Variants in ATAD3C observed in about 807,000 individuals in gnomAD.
ATAD3C encodes ATPase family AAA domain-containing protein 3C.
ATAD3C carries 38 observed loss-of-function variants against 46.3 expected under a neutral mutation model. The ratio of observed to expected loss-of-function variants is 0.82; its 90% CI spans 0.63 to 1.08. The LOEUF (loss-of-function observed/expected upper bound fraction) is 1.08, where lower values mean the gene tolerates loss of function less well. Among genes scored for constraint, ATAD3C ranks in the 50% least tolerant of loss-of-function variants. ATAD3C has a pLI of 0.00. For synonymous variants in ATAD3C, 220 were observed against 236.4 expected (o/e 0.93, Z 0.63); for missense variants, 563 against 572.7 (o/e 0.98, Z 0.17).
rs1436429881 is a variant in ATAD3C at position 1,469,805 on chromosome 1, T to C, written c.*1275T>C. On this transcript the variant is annotated 3_prime_UTR_variant, in exon 12 of 12. Coordinates refer to ENST00000378785, the MANE Select transcript of ATAD3C (RefSeq NM_001039211.3). ...TGGGCCCAAGCTAAGCCATCATATC[T>C]CCTGTGACCTGCACTTATACATCCA... 1.3e-5 allele frequency: 2 copies of C among 151,670 alleles called. No homozygotes were observed. The highest frequency in any genetic ancestry group is 2.9e-5 in the Non-Finnish European group (2 of 67,942). The allele number at this position is 151,670 out of a possible 1,614,324, so 9.4% of individuals were successfully genotyped here.
At chr1:1,457,453 G>A (rs1259910098) in intron 8 of ATAD3C, among the ~76,000 whole-genome samples, 3 of 151,278 alleles carry the variant, frequency 2.0e-5, no homozygotes, top group East Asian at 2.0e-4. Context: ...AAAATTAGCT[G>A]TGCGTGGTGG....
chr1:1,461,653 G>C (rs113562564), intron 10 of ATAD3C, among the ~76,000 whole-genome samples: 2 of 111,120 alleles, frequency 1.8e-5, no homozygotes, highest in African/African-American at 5.5e-5. Context: ...AGGGACTGGA[G>C]GGAGAGGCTC....
rs746823054 is a variant in ATAD3C at position 1,455,821 on chromosome 1, G to A, written c.469G>A (p.Ala157Thr). The change falls in exon 6 of 12, where the codon GCC (alanine) becomes ACC (threonine). Residue 157 changes from alanine (A) to threonine (T), a missense_variant. Coordinates refer to ENST00000378785, the MANE Select transcript of ATAD3C (RefSeq NM_001039211.3). ...PSLEARVRDI[A>T]IMTRNIKKNR... is the part of the protein sequence containing the mutation. ...CCTGGAAGCACGGGTGCGCGACATC[G>A]CCATAATGACAAGGAACATCAAGAA... The A allele has an allele frequency of 4.0e-5, 65 of 1,613,334 alleles. No homozygotes were observed. The Admixed American group carries it at 7.2e-4, about 18-fold the overall frequency.
At chr1:1,453,996 G>C (rs1638907072) in intron 3 of ATAD3C, among the ~76,000 whole-genome samples, 1 of 151,994 alleles carries the variant, frequency 6.6e-6, no homozygotes, top group Admixed American at 6.6e-5. Context: ...TGTTTTCCAG[G>C]AATAAAGTAC....
Position 1,468,318 on chromosome 1 carries a change from C to T in ATAD3C, c.1090-66C>T. 7 of 1,554,032 alleles carry T rather than the reference C, an allele frequency of 4.5e-6. No homozygotes were observed. The South Asian group carries it at 8.4e-5, about 19-fold the overall frequency. On this transcript the variant is annotated intron_variant, in intron 11 of 11. Coordinates refer to ENST00000378785, the MANE Select transcript of ATAD3C (RefSeq NM_001039211.3). ...GTTTGGTCCCTCCCCACCTCAGGGCCCTGGCGTGCATTTGGGGTGGGGGGT... is the reference window on the plus strand; with the variant it reads ...GTTTGGTCCCTCCCCACCTCAGGGCTCTGGCGTGCATTTGGGGTGGGGGGT...
Position 1,459,151 on chromosome 1 carries a change from C to T in ATAD3C, c.742-10C>T, listed in dbSNP as rs757478058. The T allele has an allele frequency of 1.2e-5, 20 of 1,608,972 alleles. No homozygotes were observed. The highest frequency in any genetic ancestry group is 1.6e-5 in the Non-Finnish European group (19 of 1,177,736). ...TCCTGGTGCCTAAGGCTGGAACCTT[C>T]TCTCTGCAGGAGAAGATAAGCGAGG... On this transcript the variant is annotated splice_polypyrimidine_tract_variant and intron_variant, in intron 8 of 11. Coordinates refer to ENST00000378785, the MANE Select transcript of ATAD3C (RefSeq NM_001039211.3). The surrounding 1 kb of genome is among the most constrained non-coding windows in gnomAD (Gnocchi z 4.9).
intron 8 of ATAD3C, 110 bp downstream of exon 8, chr1:1,457,290 T>C: frequency 1.2e-5 from 19 of 1,562,140 alleles, no homozygotes; most frequent in Non-Finnish European, 1.6e-5. Context: ...CTCTAAGTTT[T>C]GTGTGAAAAA....
At chr1:1,455,165 A>G (rs964834428) in intron 4 of ATAD3C, among the ~76,000 whole-genome samples, 1 of 144,628 alleles carries the variant, frequency 6.9e-6, no homozygotes, top group Non-Finnish European at 1.5e-5. Flanking sequence ...TGCAGTAAGC[A>G]GAGATCACGC....
rs1639093882 is a variant in ATAD3C at position 1,462,993 on chromosome 1, G to T, written c.1089+285G>T. ...CGGGCTCTGCCAGGTGGGGCGGGAG[G>T]CTTCTGATGCTCACCTTGGCAGACA... is the stretch of plus-strand genomic sequence containing the variant. On this transcript the variant is annotated intron_variant, in intron 11 of 11. Transcript: ENST00000378785. The surrounding 1 kb of genome is among the most constrained non-coding windows in gnomAD (Gnocchi z 4.5). Among the ~76,000 whole-genome samples the T allele has an allele frequency of 6.6e-6, 1 of 152,098 alleles. No individual in the cohort carries two copies. The highest frequency in any genetic ancestry group is 1.5e-5 in the Non-Finnish European group (1 of 68,002).
At chr1:1,464,371 C>G (rs1382244886) in intron 11 of ATAD3C, among the ~76,000 whole-genome samples, 1 of 151,882 alleles carries the variant, frequency 6.6e-6, no homozygotes, top group Non-Finnish European at 1.5e-5. Flanking sequence ...GCAGAGAGAG[C>G]AACTCAGCTC....
At chr1:1,454,658 G>C (rs944418990) in intron 4 of ATAD3C, among the ~76,000 whole-genome samples, 158 bp downstream of exon 4, 1 of 150,710 alleles carries the variant, frequency 6.6e-6, no homozygotes, top group Admixed American at 6.6e-5. Flanking sequence ...GTCTGGCGCT[G>C]TACCTTAGGG....
chr1:1,457,595 CAAAAAAAAA>C (rs777757826), intron 8 of ATAD3C, among the ~76,000 whole-genome samples: 5 of 36,466 alleles, frequency 1.4e-4, no homozygotes, highest in Admixed American at 2.8e-4. Context: ...GACTTCATCT[CAAAAAAAAA>C]AAAAAAAAAA....
At chr1:1,452,637 CCA>C (rs890376220) in intron 3 of ATAD3C, among the ~76,000 whole-genome samples, 3 of 151,730 alleles carry the variant, frequency 2.0e-5, no homozygotes, top group Admixed American at 6.6e-5. Context: ...CCAGTCTGGG[CCA>C]CACAGTGAGA....
At chr1:1,458,569 C>T (rs141874380) in intron 8 of ATAD3C, among the ~76,000 whole-genome samples, 38 of 151,932 alleles carry the variant, frequency 2.5e-4, no homozygotes, top group African/African-American at 8.0e-4. Context: ...CGTGAGCCAC[C>T]GCGCCAGGCC....
intron 4 of ATAD3C, among the ~76,000 whole-genome samples, 160 bp from the exon 5 acceptor site, chr1:1,455,300 G>A (rs1037062738): frequency 2.7e-5 from 4 of 149,328 alleles, no homozygotes; most frequent in Non-Finnish European, 5.9e-5. Context: ...CCCTGCAACA[G>A]ACACCCAGTC....
intron 4 of ATAD3C, among the ~76,000 whole-genome samples, chr1:1,455,078 G>A (rs995981777): frequency 7.3e-5 from 11 of 151,504 alleles, no homozygotes; most frequent in African/African-American, 1.9e-4. Flanking sequence ...TTAGCCGGGC[G>A]TGGTGGCGGG....
rs1224905265 is a variant in ATAD3C, at chr1:1,457,238, T to G, written c.741+58T>G. On this transcript the variant is annotated intron_variant, in intron 8 of 11. Coordinates refer to ENST00000378785, the MANE Select transcript of ATAD3C (RefSeq NM_001039211.3). ...GAGGGTGGTGGGGTGTGTGCGGCTG[T>G]CATCCTGGGCCAGGCCGCAGCCCAC... The G allele has an allele frequency of 3.7e-6, 6 of 1,609,258 alleles. No individual in the cohort carries two copies. The African/African-American group carries it at 6.7e-5, about 18-fold the overall frequency.
chr1:1,466,790 C>T (rs1639152455), intron 11 of ATAD3C, among the ~76,000 whole-genome samples: 1 of 151,852 alleles, frequency 6.6e-6, no homozygotes, highest in Non-Finnish European at 1.5e-5. Flanking sequence ...TTCTTGACGA[C>T]TTTTCCAACG....
chr1:1,452,285 A>G lies in ATAD3C; in HGVS notation c.153-80A>G, dbSNP rs939511588. The G allele has an allele frequency of 1.9e-6, 3 of 1,606,368 alleles. No individual in the cohort carries two copies. In the African/African-American group the frequency reaches 4.0e-5, roughly 21 times the overall value. ...CTGGCAGGACCAGGCTGCTGTGTCA[A>G]GGCCTCACCCTCAACCTGTTCTTGC... On this transcript the variant is annotated intron_variant, in intron 2 of 11. Coordinates refer to ENST00000378785, the MANE Select transcript of ATAD3C (RefSeq NM_001039211.3).
Sources: allele counts gnomAD v4.1 joint callset (sites outside exome capture counted in the v4.1 genomes callset), GRCh38; gene constraint gnomAD v4.1.1; non-coding constraint Gnocchi (gnomAD v3.1); transcripts MANE v1.5; gene names NCBI Gene and HGNC (gene_info 2026-07-23, HGNC 2026-07-21).